The following RASGRP1 variants were observed in gnomAD, a reference collection of about 807,000 sequenced individuals.
RASGRP1 encodes the protein RAS guanyl-releasing protein 1.
RASGRP1 carries 37 observed loss-of-function variants against 95.1 expected under a neutral mutation model. The ratio of observed to expected loss-of-function variants is 0.39; its 90% CI spans 0.30 to 0.51. The LOEUF (loss-of-function observed/expected upper bound fraction) is 0.51. RASGRP1 is among the 20% of genes least tolerant of loss of function. The probability of loss-of-function intolerance (pLI) is 0.80; values close to 1 mark genes in which losing one functional copy is unlikely to be tolerated. For missense variants in RASGRP1, 711 were observed against 965.4 expected (o/e 0.74, Z 3.49); for synonymous variants, 325 against 353.4 (o/e 0.92, Z 0.90).
chr15:38,555,750 A>T (rs986766937), intron 2 of RASGRP1, among the ~76,000 whole-genome samples: 6 of 152,364 alleles, frequency 3.9e-5, no homozygotes, highest in South Asian at 2.1e-4. Flanking sequence ...AAGTCAGTCC[A>T]TAAATAGAAG....
rs1054177654 is a variant in RASGRP1, at chr15:38,526,416, A to G, written c.221-12T>C. On this transcript the variant is annotated splice_polypyrimidine_tract_variant and intron_variant, in intron 2 of 16. Coordinates refer to ENST00000310803, the MANE Select transcript of RASGRP1 (RefSeq NM_005739.4). ...GTTTCCATCTGCATCTGAAAATATA[A>G]AGAGCAGCACCTGAGTTAGGCCCTG... 2 of 1,609,130 alleles carry G rather than the reference A, an allele frequency of 1.2e-6. No individual in the cohort carries two copies. The highest frequency in any genetic ancestry group is 1.3e-5 in the African/African-American group (1 of 74,790).
chr15:38,533,313 C>T (rs1470939089), intron 2 of RASGRP1, among the ~76,000 whole-genome samples: 3 of 152,154 alleles, frequency 2.0e-5, no homozygotes, highest in African/African-American at 7.2e-5. Context: ...TAATGGAGGT[C>T]AGTATCTCCA....
intron 2 of RASGRP1, among the ~76,000 whole-genome samples, chr15:38,534,010 GCCT>G (rs1285871413): frequency 1.3e-5 from 2 of 152,228 alleles, no homozygotes; most frequent in African/African-American, 2.4e-5. Flanking sequence ...GCAGCTGCAA[GCCT>G]CCTCAAGAGG....
At chr15:38,516,464 T>C in intron 5 of RASGRP1, 114 bp from the exon 6 acceptor site, 1 of 1,304,838 alleles carries the variant, frequency 7.7e-7, no homozygotes. Context: ...TAGCTAACTT[T>C]CCTTGTGAAT....
At position 38,559,994 on chromosome 15, in the gene RASGRP1, T is replaced by C. The variant is rs374319829; in HGVS notation, c.47A>G (p.His16Arg). ...KAREAPRKPS[H>R]GCRAASKARL... ...TGCTTTAGAGGCAGCTCTGCAGCCA[T>C]GGGAAGGTTTCCTGGGGAAAGAGAG... is the stretch of plus-strand genomic sequence containing the variant. The change falls in exon 2 of 17, where the codon CAT (histidine) becomes CGT (arginine). Residue 16 changes from histidine (H) to arginine (R), a missense_variant. By Grantham distance (29) the His-to-Arg change is conservative (BLOSUM62 0). Transcript: ENST00000310803. The C allele has an allele frequency of 6.8e-6, 11 of 1,611,364 alleles. No homozygotes were observed. The highest frequency in any genetic ancestry group is 9.3e-6 in the Non-Finnish European group (11 of 1,178,746).
At chr15:38,524,612 C>T (rs1005680752) in intron 3 of RASGRP1, among the ~76,000 whole-genome samples, 1 of 152,068 alleles carries the variant, frequency 6.6e-6, no homozygotes, top group African/African-American at 2.4e-5. Flanking sequence ...GAGGAAAGTT[C>T]GAATACTGGG....
chr15:38,558,261 G>A (rs893371056), intron 2 of RASGRP1, among the ~76,000 whole-genome samples: 26 of 152,146 alleles, frequency 1.7e-4, no homozygotes, highest in African/African-American at 6.3e-4. Flanking sequence ...GCGCCTCCCC[G>A]GTCTCCACCA....
In RASGRP1 at chr15:38,503,539, A is replaced by G. The variant is rs1891125295; in HGVS notation, c.1324-163T>C. The G allele has an allele frequency of 1.2e-5, 8 of 643,546 alleles. No homozygotes were observed. In the South Asian group the frequency reaches 1.5e-4, roughly 12 times the overall value. 39.9% of individuals were successfully genotyped at this position (643,546 alleles called of 1,614,324 possible). A position where few individuals can be genotyped will look rare whatever the true frequency, so the allele number is the denominator to read the frequency against. On this transcript the variant is annotated intron_variant, in intron 10 of 16. Transcript: ENST00000310803. ...ACAGGCAATTGAAATCTCTACTAAT[A>G]ATTTTGGCTAACAAGGCATTGTGCT...
chr15:38,495,146 G>C (rs997827178), intron 15 of RASGRP1, among the ~76,000 whole-genome samples: 5 of 152,158 alleles, frequency 3.3e-5, no homozygotes, highest in Non-Finnish European at 7.4e-5. Flanking sequence ...CCTGGAATTT[G>C]GGAGCTCTCC....
intron 2 of RASGRP1, among the ~76,000 whole-genome samples, chr15:38,527,568 C>T (rs958427626): frequency 4.6e-5 from 7 of 152,114 alleles, no homozygotes; most frequent in African/African-American, 1.2e-4. Context: ...TTCATTTATA[C>T]GAACTGAATT....
At position 38,512,972 on chromosome 15, in the gene RASGRP1, C is replaced by T; in HGVS notation, c.676-16G>A. On this transcript the variant is annotated splice_polypyrimidine_tract_variant and intron_variant, in intron 6 of 16. Transcript: ENST00000310803. ...AATCAGAGAACTGCAGGAAAAGAAACAACAACAACAAAAAAAACCTATCAG... is the reference window on the plus strand; with the variant it reads ...AATCAGAGAACTGCAGGAAAAGAAATAACAACAACAAAAAAAACCTATCAG... 1 of 1,487,388 alleles carries T rather than the reference C, an allele frequency of 6.7e-7. No individual in the cohort carries two copies. Among genetic ancestry groups the T allele is most frequent in the Non-Finnish European group, 8.9e-7 (1 of 1,120,544 alleles). The allele number at this position is 1,487,388 out of a possible 1,614,324, so 92.1% of individuals were successfully genotyped here.
chr15:38,532,006 T>C (rs1595864389), intron 2 of RASGRP1, among the ~76,000 whole-genome samples: 2 of 152,186 alleles, frequency 1.3e-5, no homozygotes, highest in Admixed American at 6.5e-5. Flanking sequence ...CTGTACAGCA[T>C]GCTCTTCTTC....
chr15:38,512,482 C>T (rs972023260), intron 7 of RASGRP1, among the ~76,000 whole-genome samples: 15 of 152,300 alleles, frequency 9.8e-5, no homozygotes, highest in Non-Finnish European at 1.6e-4. Context: ...GGGCCAGACT[C>T]GGGAAAATAA....
At chr15:38,554,164 A>G (rs1893452315) in intron 2 of RASGRP1, among the ~76,000 whole-genome samples, 1 of 152,104 alleles carries the variant, frequency 6.6e-6, no homozygotes, top group African/African-American at 2.4e-5. Flanking sequence ...AAGAACGCGA[A>G]CCTCGGGGGA....
intron 2 of RASGRP1, among the ~76,000 whole-genome samples, chr15:38,533,482 C>A (rs566761482): frequency 6.6e-6 from 1 of 152,298 alleles, no homozygotes; most frequent in African/African-American, 2.4e-5. Context: ...TAAAAATTGG[C>A]AAGCTGAAAA....
At chr15:38,511,957 C>T (rs62003606) in intron 7 of RASGRP1, among the ~76,000 whole-genome samples, 1,703 of 152,298 alleles carry the variant, frequency 0.011, 19 homozygotes, top group Non-Finnish European at 0.019. Context: ...TGTGGACCAC[C>T]TTCTAGATCA....
At chr15:38,506,813 T>C (rs914659988) in intron 9 of RASGRP1, among the ~76,000 whole-genome samples, 20 of 152,190 alleles carry the variant, frequency 1.3e-4, no homozygotes, top group African/African-American at 4.6e-4. Context: ...TGTACATTTT[T>C]CTGGGAAGAA....
intron 2 of RASGRP1, among the ~76,000 whole-genome samples, chr15:38,551,041 T>C (rs1425971196): frequency 6.6e-6 from 1 of 152,228 alleles, no homozygotes; most frequent in Non-Finnish European, 1.5e-5. Flanking sequence ...GTGTTATTCA[T>C]AGTAAATGCT....
intron 5 of RASGRP1, among the ~76,000 whole-genome samples, chr15:38,517,969 G>A (rs1891854046): frequency 6.6e-6 from 1 of 152,184 alleles, no homozygotes; most frequent in Admixed American, 6.5e-5. Flanking sequence ...CGTGGGTTCA[G>A]TCATTTGCAC....
Sources: gnomAD v4.1 joint callset for allele counts (sites outside exome capture counted in the v4.1 genomes callset) on GRCh38, gnomAD v4.1.1 for gene constraint, MANE v1.5 for transcripts, NCBI Gene and HGNC (gene_info 2026-07-23, HGNC 2026-07-21) for gene names.